DIPK1A: variants seen among roughly 807,000 people sequenced by gnomAD.
The protein encoded by DIPK1A is family with sequence similarity 69 member A.
DIPK1A carries 27 observed loss-of-function variants against 40.8 expected under a neutral mutation model. The ratio of observed to expected loss-of-function variants is 0.66; its 90% CI spans 0.49 to 0.91. The LOEUF (loss-of-function observed/expected upper bound fraction) is 0.91, where lower values mean the gene tolerates loss of function less well. Ranked by LOEUF, DIPK1A falls within the 40% of genes least tolerant of loss-of-function variation. DIPK1A has a pLI of 0.00. For missense variants in DIPK1A, 412 were observed against 505.7 expected, an observed-to-expected ratio of 0.81 and a Z score of 1.78; for synonymous variants, 166 against 171.3, an observed-to-expected ratio of 0.97 and a Z score of 0.24.
intron 2 of DIPK1A, among the ~76,000 whole-genome samples, chr1:92,851,847 C>T (rs896390964): frequency 2.0e-5 from 3 of 152,198 alleles, no homozygotes; most frequent in African/African-American, 7.2e-5. Flanking sequence ...ATCTGCAGAG[C>T]ACAACCATTA....
intron 1 of DIPK1A, among the ~76,000 whole-genome samples, chr1:92,951,772 C>G (rs1455262566): frequency 6.6e-6 from 1 of 152,094 alleles, no homozygotes; most frequent in Non-Finnish European, 1.5e-5. Context: ...TTTCCCCAAA[C>G]TAATTTTGAA....
chr1:92,838,762 T>C (rs1241488172), downstream of DIPK1A, among the ~76,000 whole-genome samples: 1 of 152,214 alleles, frequency 6.6e-6, no homozygotes, highest in Non-Finnish European at 1.5e-5. Flanking sequence ...TGACTATATA[T>C]GAAGTCATCA....
At chr1:92,937,587 A>G (rs1335036623) in intron 1 of DIPK1A, among the ~76,000 whole-genome samples, 34 of 152,320 alleles carry the variant, frequency 2.2e-4, no homozygotes, top group Non-Finnish European at 3.7e-4. Flanking sequence ...GAATGAACCA[A>G]CTATTGCCAA....
chr1:92,872,863 C>G (rs1486333180), intron 2 of DIPK1A, among the ~76,000 whole-genome samples: 2 of 152,192 alleles, frequency 1.3e-5, no homozygotes, highest in East Asian at 3.9e-4. Context: ...AGAGTCTGTT[C>G]TGCTTTTCAA....
At position 92,898,928 on chromosome 1, in the gene DIPK1A, A is replaced by G. The variant is rs543405546; in HGVS notation, c.55-22498T>C. 2.0e-5 allele frequency among the ~76,000 whole-genome samples: 3 copies of G among 151,384 alleles called. No homozygotes were observed. In the South Asian group the frequency reaches 6.3e-4, roughly 32 times the overall value. On this transcript the variant is annotated intron_variant, in intron 1 of 4. Coordinates refer to ENST00000370310, the MANE Select transcript of DIPK1A (RefSeq NM_001006605.5). ...CAGACATGTGCCACCATGCCTGGCT[A>G]TTTTGCTTTTTAATGTTTTTGTATA...
chr1:92,889,242 A>T (rs1003436612), intron 1 of DIPK1A, among the ~76,000 whole-genome samples: 2 of 152,152 alleles, frequency 1.3e-5, no homozygotes, highest in African/African-American at 4.8e-5. Context: ...AGTTTTTCCA[A>T]CACTACTTAC....
At chr1:92,858,025 G>A (rs1571063140) in intron 2 of DIPK1A, among the ~76,000 whole-genome samples, 1 of 152,152 alleles carries the variant, frequency 6.6e-6, no homozygotes, top group South Asian at 2.1e-4. Flanking sequence ...ATTTCCTGAG[G>A]ACTTTGTACA....
chr1:92,923,527 T>G (rs1650351849), intron 1 of DIPK1A, among the ~76,000 whole-genome samples: 1 of 152,220 alleles, frequency 6.6e-6, no homozygotes, highest in African/African-American at 2.4e-5. Flanking sequence ...TTTCTTACAT[T>G]TCTATAATAA....
intron 1 of DIPK1A, among the ~76,000 whole-genome samples, chr1:92,898,599 T>G (rs6700585): frequency 0.6 from 91,335 of 151,908 alleles, 28,449 homozygotes; most frequent in East Asian, 0.94. Context: ...CTCAGCCTCC[T>G]GAGTAGCTGG....
At chr1:92,874,643 T>C (rs893180121) in intron 2 of DIPK1A, among the ~76,000 whole-genome samples, 2 of 152,204 alleles carry the variant, frequency 1.3e-5, no homozygotes, top group Non-Finnish European at 2.9e-5. Context: ...TTTTTGAACT[T>C]GATTATCTAC....
chr1:92,841,324 C>A (rs1351225210), downstream of DIPK1A, among the ~76,000 whole-genome samples: 1 of 149,488 alleles, frequency 6.7e-6, no homozygotes, highest in African/African-American at 2.4e-5. Context: ...TTCTCCACTT[C>A]ATTCATGTTG....
intron 1 of DIPK1A, among the ~76,000 whole-genome samples, chr1:92,954,055 A>G (rs1374346641): frequency 6.6e-6 from 1 of 152,238 alleles, no homozygotes. Context: ...TTCATTTACT[A>G]ATATTTTGGG....
In DIPK1A at chr1:92,842,262, T is replaced by G; in HGVS notation, c.*1121A>C. 1.0e-6 allele frequency: 1 copy of G among 989,640 alleles called. No homozygotes were observed. Among genetic ancestry groups the G allele is most frequent in the Non-Finnish European group, 1.2e-6 (1 of 832,792 alleles). 61.3% of individuals were successfully genotyped at this position (989,640 alleles called of 1,614,324 possible). A position where few individuals can be genotyped will look rare whatever the true frequency, so the allele number is the denominator to read the frequency against. ...GCTAATCCATGGCGTTGAAGGAAAG[T>G]TTTGAGAGAAAGCTGTCCAGTGATG... On this transcript the variant is annotated 3_prime_UTR_variant, in exon 5 of 5. Transcript: ENST00000370310.
Position 92,843,522 on chromosome 1 carries a change from C to A in DIPK1A, c.1148G>T (p.Arg383Leu). The change falls in exon 5 of 5, where the codon CGT (arginine) becomes CTT (leucine). Residue 383 changes from arginine (R) to leucine (L), a missense_variant. Physicochemically the swap from Arg to Leu is moderately radical, Grantham distance 102. Transcript: ENST00000370310. ...ATAAAGCTGCTTTTCTAATTCTTCA[C>A]GAATTTCACTTGGAGCACCACGCAG... ...YLLRGAPSEI[R>L]EELEKQLYSC... 1.3e-6 allele frequency: 2 copies of A among 1,551,954 alleles called. No individual in the cohort carries two copies. The highest frequency in any genetic ancestry group is 1.7e-6 in the Non-Finnish European group (2 of 1,147,056).
intron 1 of DIPK1A, among the ~76,000 whole-genome samples, chr1:92,919,705 A>C (rs1650199430): frequency 6.6e-6 from 1 of 152,224 alleles, no homozygotes; most frequent in Non-Finnish European, 1.5e-5. Flanking sequence ...TTATCCAGAC[A>C]AGGATGAATG....
At chr1:92,837,613 A>G, downstream of DIPK1A, 1 of 1,612,150 alleles carries the variant, frequency 6.2e-7, no homozygotes, top group Non-Finnish European at 8.5e-7. Context: ...ATACATAAAG[A>G]ACAGCGTAAC....
In DIPK1A at chr1:92,887,908, C is replaced by T. The variant is rs1348883508; in HGVS notation, c.55-11478G>A. 2.0e-5 allele frequency among the ~76,000 whole-genome samples: 3 copies of T among 151,626 alleles called. No homozygotes were observed. In the Admixed American group the frequency reaches 2.0e-4, roughly 10 times the overall value. Reference sequence around the variant, plus strand: ...ACTCACTCTACTCTACTGCCTATTGCATTAAATACATAAATAGTTACCTGA... The same window carrying T: ...ACTCACTCTACTCTACTGCCTATTGTATTAAATACATAAATAGTTACCTGA... On this transcript the variant is annotated intron_variant, in intron 1 of 4. Transcript: ENST00000370310.
At chr1:92,899,401 T>C (rs940409702) in intron 1 of DIPK1A, among the ~76,000 whole-genome samples, 19 of 152,204 alleles carry the variant, frequency 1.2e-4, no homozygotes, top group African/African-American at 4.6e-4. Context: ...GTGTGAAATA[T>C]CATTTTCCAT....
intron 2 of DIPK1A, among the ~76,000 whole-genome samples, chr1:92,855,817 G>A (rs891586966): frequency 2.0e-5 from 3 of 152,098 alleles, no homozygotes; most frequent in Admixed American, 1.3e-4. Flanking sequence ...GGTGGCTCAC[G>A]TCGATAATCC....
Sources: gnomAD v4.1 joint callset for allele counts (sites outside exome capture counted in the v4.1 genomes callset) on GRCh38, gnomAD v4.1.1 for gene constraint, MANE v1.5 for transcripts, NCBI Gene and HGNC (gene_info 2026-07-23, HGNC 2026-07-21) for gene names.